The following ULK4 variants were observed in gnomAD, a reference collection of about 807,000 sequenced individuals.
ULK4 encodes inactive serine/threonine-protein kinase ULK4.
In ULK4, 133 loss-of-function variants were observed where a neutral mutation model predicts 160.6. That is an observed-to-expected ratio of 0.83 (90% CI 0.72 to 0.96). The LOEUF is 0.96. ULK4 is among the 40% of genes least tolerant of loss of function. The probability of loss-of-function intolerance (pLI) is 0.00; values close to 1 mark genes in which losing one functional copy is unlikely to be tolerated. For synonymous variants in ULK4, 534 were observed against 539.8 expected (o/e 0.99, Z 0.15); for missense variants, 1,580 against 1,499.5 (o/e 1.05, Z -0.89).
chr3:41,591,015 T>C (rs1559417700), intron 31 of ULK4, among the ~76,000 whole-genome samples: 1 of 151,760 alleles, frequency 6.6e-6, no homozygotes, highest in African/African-American at 2.4e-5. Context: ...AACACACATA[T>C]GTACACACAC....
At chr3:41,646,448 A>T (rs1339016304) in intron 30 of ULK4, among the ~76,000 whole-genome samples, 1 of 152,184 alleles carries the variant, frequency 6.6e-6, no homozygotes, top group Non-Finnish European at 1.5e-5. Context: ...TCCTTCACTT[A>T]TGAAGCTTAG....
chr3:41,509,786 A>C (rs1256397), intron 32 of ULK4, among the ~76,000 whole-genome samples: 1 of 152,110 alleles, frequency 6.6e-6, no homozygotes, highest in Non-Finnish European at 1.5e-5. Context: ...GAGAAAACTC[A>C]GCACTACCAA....
chr3:41,816,493 G>C (rs1188512352), intron 19 of ULK4, among the ~76,000 whole-genome samples: 2 of 152,176 alleles, frequency 1.3e-5, no homozygotes, highest in Non-Finnish European at 2.9e-5. Flanking sequence ...ATCCTCATTA[G>C]TAATCAGAGA....
intron 17 of ULK4, among the ~76,000 whole-genome samples, chr3:41,863,303 G>A (rs920393404): frequency 6.6e-6 from 1 of 152,106 alleles, no homozygotes; most frequent in Non-Finnish European, 1.5e-5. Context: ...AAGTCAGCTT[G>A]TCATAAATGC....
intron 21 of ULK4, among the ~76,000 whole-genome samples, chr3:41,754,973 A>G (rs1220627718): frequency 6.6e-6 from 1 of 152,216 alleles, no homozygotes; most frequent in Non-Finnish European, 1.5e-5. Context: ...AATACATGAC[A>G]CAAAGAAACG....
intron 34 of ULK4, among the ~76,000 whole-genome samples, chr3:41,408,311 C>A (rs1368658470): frequency 1.3e-5 from 2 of 150,746 alleles, no homozygotes; most frequent in East Asian, 3.9e-4. Flanking sequence ...GCCTGTAGTC[C>A]CAGCTACTGG....
At chr3:41,642,312 T>C (rs1000565930) in intron 30 of ULK4, among the ~76,000 whole-genome samples, 11 of 152,058 alleles carry the variant, frequency 7.2e-5, no homozygotes, top group African/African-American at 2.7e-4. Context: ...TAGCATTAGG[T>C]ATATCTCCTA....
intron 21 of ULK4, among the ~76,000 whole-genome samples, chr3:41,770,106 C>T (rs1575675749): frequency 6.6e-6 from 1 of 152,146 alleles, no homozygotes; most frequent in African/African-American, 2.4e-5. Flanking sequence ...TTAATACAGA[C>T]TAAAAATATC....
intron 32 of ULK4, among the ~76,000 whole-genome samples, chr3:41,557,592 C>G (rs950507924): frequency 1.5e-5 from 2 of 136,658 alleles, no homozygotes; most frequent in Non-Finnish European, 3.3e-5. Flanking sequence ...ATAGCAAGAC[C>G]CTGTCTCCAC....
intron 27 of ULK4, among the ~76,000 whole-genome samples, chr3:41,700,717 GCAA>G (rs1575584489): frequency 6.6e-6 from 1 of 152,038 alleles, no homozygotes; most frequent in Admixed American, 6.6e-5. Flanking sequence ...GAAGATTTGG[GCAA>G]CAACAAGATA....
At chr3:41,852,762 A>G (rs2042247922) in intron 17 of ULK4, among the ~76,000 whole-genome samples, 1 of 152,120 alleles carries the variant, frequency 6.6e-6, no homozygotes, top group Non-Finnish European at 1.5e-5. Context: ...TTTGAAATGG[A>G]ACAAGGGACA....
chr3:41,775,443 G>A (rs1237972950), intron 21 of ULK4, among the ~76,000 whole-genome samples: 2 of 147,558 alleles, frequency 1.4e-5, no homozygotes, highest in African/African-American at 5.2e-5. Flanking sequence ...CTGTCACCCA[G>A]GCTGGAGTGC....
At chr3:41,565,117 T>C (rs765130606) in intron 32 of ULK4, among the ~76,000 whole-genome samples, 36 of 152,242 alleles carry the variant, frequency 2.4e-4, no homozygotes, top group Non-Finnish European at 1.5e-4. Flanking sequence ...CCTAGGTGTA[T>C]AGTAGGCTAC....
chr3:41,895,889 A>G (rs551379323), intron 15 of ULK4, among the ~76,000 whole-genome samples: 1 of 152,294 alleles, frequency 6.6e-6, no homozygotes, highest in South Asian at 2.1e-4. Context: ...TTTCAAGCCA[A>G]TTCCCAAATG....
At chr3:41,713,190 G>T (rs1249857544) in intron 25 of ULK4, among the ~76,000 whole-genome samples, 1 of 152,114 alleles carries the variant, frequency 6.6e-6, no homozygotes, top group Non-Finnish European at 1.5e-5. Context: ...ATGCTAATTT[G>T]CAATGTACAT....
chr3:41,958,063 CT>C (rs1444244112), intron 1 of ULK4, among the ~76,000 whole-genome samples: 1 of 145,706 alleles, frequency 6.9e-6, no homozygotes, highest in African/African-American at 2.5e-5. Flanking sequence ...AAAAAAAAAC[CT>C]TGTACACCTC....
At chr3:41,805,301 T>A (rs1191206398) in intron 19 of ULK4, among the ~76,000 whole-genome samples, 1 of 142,416 alleles carries the variant, frequency 7.0e-6, no homozygotes, top group Non-Finnish European at 1.6e-5. Context: ...TATTGGTGTA[T>A]AAGAATGCTT....
chr3:41,935,161 C>T (rs964955726), intron 4 of ULK4, among the ~76,000 whole-genome samples: 10 of 150,084 alleles, frequency 6.7e-5, no homozygotes, highest in Admixed American at 2.7e-4. Context: ...GAATTACAGG[C>T]GCTCACCACC....
chr3:41,740,058 T>C (rs1411423421), intron 22 of ULK4, among the ~76,000 whole-genome samples: 1 of 151,922 alleles, frequency 6.6e-6, no homozygotes, highest in Non-Finnish European at 1.5e-5. Context: ...TTATGGTTTA[T>C]TTCATTGCTC....
Sources: gnomAD v4.1 joint callset for allele counts (sites outside exome capture counted in the v4.1 genomes callset) on GRCh38, gnomAD v4.1.1 for gene constraint, MANE v1.5 for transcripts, NCBI Gene and HGNC (gene_info 2026-07-23, HGNC 2026-07-21) for gene names.